FMN2: variants seen among roughly 807,000 people sequenced by gnomAD.
FMN2 encodes the protein formin-2.
In FMN2, 51 loss-of-function variants were observed where a neutral mutation model predicts 142.3. The ratio of observed to expected loss-of-function variants is 0.36; its 90% confidence interval spans 0.29 to 0.45. The LOEUF (loss-of-function observed/expected upper bound fraction) is 0.45. Ranked by LOEUF, FMN2 falls within the 20% of genes least tolerant of loss-of-function variation. The pLI, the probability that FMN2 is intolerant of heterozygous loss-of-function variation, is 1.00. For missense variants in FMN2, 1,936 were observed against 2,122.8 expected (o/e 0.91, Z 1.73); for synonymous variants, 882 against 869.8 (o/e 1.01, Z -0.25).
chr1:240,283,224 GA>G (rs1247788734), intron 7 of FMN2, among the ~76,000 whole-genome samples: 1 of 152,120 alleles, frequency 6.6e-6, no homozygotes, highest in East Asian at 1.9e-4. Context: ...AGGCAGCCCT[GA>G]AAATAAAAAT....
rs1018205652 is a variant in FMN2, at chr1:240,439,129, C to T, written c.5060+919C>T. Among the ~76,000 whole-genome samples, 8 of 151,804 alleles carry T rather than the reference C, an allele frequency of 5.3e-5. 1 individual carries two copies. On this transcript the variant is annotated intron_variant, in intron 16 of 17. Transcript: ENST00000319653. ...CTGTACTAAAAGTACAAAAATTAGC[C>T]GGGCATTGTGGTGGGCACCTGTAAT... is the stretch of plus-strand genomic sequence containing the variant.
chr1:240,369,034 C>A (rs1212302839), intron 14 of FMN2, among the ~76,000 whole-genome samples: 1 of 151,224 alleles, frequency 6.6e-6, no homozygotes, highest in Non-Finnish European at 1.5e-5. Context: ...ACATAGGTAC[C>A]GTGTGTGCAC....
At chr1:240,121,590 C>T (rs1426937064) in intron 1 of FMN2, among the ~76,000 whole-genome samples, 2 of 150,558 alleles carry the variant, frequency 1.3e-5, no homozygotes, top group Non-Finnish European at 3.0e-5. Flanking sequence ...GGGGTTTCAC[C>T]GTGTTAACCA....
intron 15 of FMN2, among the ~76,000 whole-genome samples, chr1:240,413,187 A>G (rs1434941169): frequency 1.4e-5 from 2 of 147,340 alleles, no homozygotes; most frequent in Non-Finnish European, 3.0e-5. Flanking sequence ...AAGTAGGGGT[A>G]TAAATGTCCT....
At chr1:240,388,865 A>G (rs1673506695) in intron 14 of FMN2, among the ~76,000 whole-genome samples, 1 of 148,570 alleles carries the variant, frequency 6.7e-6, no homozygotes, top group Non-Finnish European at 1.5e-5. Context: ...TCCATCTCAA[A>G]AAAAAAAAAA....
chr1:240,194,147 TCTA>T (rs1665823934), intron 4 of FMN2, among the ~76,000 whole-genome samples: 1 of 151,926 alleles, frequency 6.6e-6, no homozygotes, highest in Admixed American at 6.6e-5. Context: ...AAAATCTACT[TCTA>T]TTTTTTAATC....
intron 15 of FMN2, among the ~76,000 whole-genome samples, chr1:240,426,339 A>G (rs182038946): frequency 3.5e-4 from 54 of 152,248 alleles, no homozygotes; most frequent in African/African-American, 1.2e-3. Flanking sequence ...TATTTTTATT[A>G]TCTGTGGAAC....
chr1:240,160,196 C>G (rs2103290862), intron 2 of FMN2, among the ~76,000 whole-genome samples: 2 of 150,650 alleles, frequency 1.3e-5, no homozygotes, highest in Middle Eastern at 6.9e-3. Context: ...GAACACTGCC[C>G]AGCTTATTTT....
intron 16 of FMN2, among the ~76,000 whole-genome samples, chr1:240,464,916 A>G (rs1050393947): frequency 9.2e-5 from 14 of 152,296 alleles, no homozygotes; most frequent in African/African-American, 3.1e-4. Flanking sequence ...GTGCAAGCGC[A>G]GTGTTTTCTC....
At chr1:240,102,334 T>C (rs1314899341) in intron 1 of FMN2, among the ~76,000 whole-genome samples, 1 of 152,238 alleles carries the variant, frequency 6.6e-6, no homozygotes, top group Non-Finnish European at 1.5e-5. Flanking sequence ...TGCATTTGAA[T>C]ACTCTGTGGA....
intron 6 of FMN2, among the ~76,000 whole-genome samples, chr1:240,241,971 G>A (rs1369608305): frequency 6.6e-6 from 1 of 151,218 alleles, no homozygotes; most frequent in Non-Finnish European, 1.5e-5. Flanking sequence ...TCAGCCTCCC[G>A]AGTAACTGGG....
chr1:240,198,928 A>G (rs2103367699), intron 4 of FMN2, among the ~76,000 whole-genome samples: 1 of 152,240 alleles, frequency 6.6e-6, no homozygotes, highest in Admixed American at 6.5e-5. Context: ...AACATAGTGA[A>G]ACCCCATCTC....
intron 14 of FMN2, among the ~76,000 whole-genome samples, chr1:240,359,515 G>A (rs544802805): frequency 1.3e-5 from 2 of 152,114 alleles, no homozygotes; most frequent in African/African-American, 4.8e-5. Context: ...TTCAGCTATT[G>A]TGTGGTCTGT....
At chr1:240,254,954 G>T (rs4659950) in intron 6 of FMN2, among the ~76,000 whole-genome samples, 38,212 of 152,024 alleles carry the variant, frequency 0.25, 5,539 homozygotes, top group East Asian at 0.52. Context: ...AACTCAGTGC[G>T]CGCTCCCTCT....
At chr1:240,167,772 AT>A (rs1215968155) in intron 2 of FMN2, among the ~76,000 whole-genome samples, 1 of 152,226 alleles carries the variant, frequency 6.6e-6, no homozygotes, top group Non-Finnish European at 1.5e-5. Flanking sequence ...TACATAAAAC[AT>A]TCAAAGAAAA....
At chr1:240,143,000 G>C in intron 2 of FMN2, 1 of 1,547,990 alleles carries the variant, frequency 6.5e-7, no homozygotes, top group Non-Finnish European at 8.9e-7. Context: ...AGAGAGGCAC[G>C]GTGAGCAGCC....
Position 240,137,963 on chromosome 1 carries a change from G to A in FMN2, c.1782+14618G>A, listed in dbSNP as rs142904550. Among the ~76,000 whole-genome samples, 12 of 151,196 alleles carry A rather than the reference G, an allele frequency of 7.9e-5. No homozygotes were observed. In the South Asian group the frequency reaches 1.5e-3, roughly 18 times the overall value. ...AAATTAGCCGGGTGCAGTCGTGTGC[G>A]CTGAGGCAGGAGAATCCCTTGAATC... On this transcript the variant is annotated intron_variant, in intron 2 of 17. Transcript: ENST00000319653.
At chr1:240,177,412 C>G (rs955881638) in intron 2 of FMN2, among the ~76,000 whole-genome samples, 1 of 146,198 alleles carries the variant, frequency 6.8e-6, no homozygotes, top group Non-Finnish European at 1.5e-5. Context: ...CATGGTTTCT[C>G]TCCCAGTTTC....
At chr1:240,137,024 C>A (rs903524722) in intron 2 of FMN2, among the ~76,000 whole-genome samples, 4 of 140,804 alleles carry the variant, frequency 2.8e-5, no homozygotes, top group Non-Finnish European at 6.0e-5. Flanking sequence ...GAGCCGAGAT[C>A]GCGCTACTGC....
Sources: allele counts gnomAD v4.1 joint callset (sites outside exome capture counted in the v4.1 genomes callset), GRCh38; gene constraint gnomAD v4.1.1; transcripts MANE v1.5; gene names NCBI Gene and HGNC (gene_info 2026-07-23, HGNC 2026-07-21).